DOCK10: variants seen among roughly 807,000 people sequenced by gnomAD.
DOCK10 encodes dedicator of cytokinesis protein 10.
In DOCK10, 145 loss-of-function variants were observed where a neutral mutation model predicts 280.1. That is an observed-to-expected ratio of 0.52 (90% CI 0.45 to 0.59). DOCK10 has a LOEUF of 0.59. DOCK10 is among the 20% of genes least tolerant of loss of function. The probability of loss-of-function intolerance (pLI) is 0.00; values close to 1 mark genes in which losing one functional copy is unlikely to be tolerated. For missense variants in DOCK10, 2,368 were observed against 2,651.7 expected, an observed-to-expected ratio of 0.89 and a Z score of 2.35; for synonymous variants, 915 against 942.2, an observed-to-expected ratio of 0.97 and a Z score of 0.53.
intron 1 of DOCK10, among the ~76,000 whole-genome samples, chr2:224,975,820 G>A (rs370737479): frequency 2.6e-5 from 4 of 152,256 alleles, no homozygotes; most frequent in African/African-American, 2.4e-5. Context: ...AAGAATTATT[G>A]TCTTCTACAA....
At chr2:225,016,497 G>A (rs1285711282) in intron 1 of DOCK10, among the ~76,000 whole-genome samples, 1 of 146,520 alleles carries the variant, frequency 6.8e-6, no homozygotes, top group Non-Finnish European at 1.5e-5. Flanking sequence ...TTATATATGT[G>A]TATACATATA....
At chr2:224,972,276 T>C (rs1014461863) in intron 1 of DOCK10, among the ~76,000 whole-genome samples, 1 of 152,224 alleles carries the variant, frequency 6.6e-6, no homozygotes, top group Non-Finnish European at 1.5e-5. Flanking sequence ...AATCTGTGGG[T>C]TACTCAGTTC....
chr2:224,980,746 G>C (rs935257319), intron 1 of DOCK10, among the ~76,000 whole-genome samples: 1 of 152,182 alleles, frequency 6.6e-6, no homozygotes, highest in African/African-American at 2.4e-5. Flanking sequence ...ATTGCTCTAA[G>C]TGTGATTCGG....
intron 1 of DOCK10, among the ~76,000 whole-genome samples, chr2:224,976,057 G>A (rs1307007723): frequency 2.0e-5 from 3 of 152,142 alleles, no homozygotes; most frequent in Non-Finnish European, 4.4e-5. Context: ...TAAGCCATGT[G>A]AGCCTGCCGA....
chr2:224,857,064 T>C (rs1697196945), intron 14 of DOCK10, 82 bp from the exon 15 acceptor site: 1 of 1,163,092 alleles, frequency 8.6e-7, no homozygotes, highest in Non-Finnish European at 1.1e-6. Flanking sequence ...TTAATTAAAC[T>C]TCTCATTTAT....
chr2:224,980,209 A>C (rs1393789571), intron 1 of DOCK10, among the ~76,000 whole-genome samples: 1 of 152,186 alleles, frequency 6.6e-6, no homozygotes, highest in Non-Finnish European at 1.5e-5. Context: ...TGCTTGCTAC[A>C]AGAGCAGGTT....
chr2:224,889,057 A>G (rs967848390), intron 4 of DOCK10, among the ~76,000 whole-genome samples: 2 of 152,202 alleles, frequency 1.3e-5, no homozygotes, highest in Admixed American at 1.3e-4. Context: ...AAAATTAAAT[A>G]TGCAGAGATA....
chr2:225,014,768 T>A (rs1028090614), intron 1 of DOCK10, among the ~76,000 whole-genome samples: 10 of 152,342 alleles, frequency 6.6e-5, no homozygotes, highest in Non-Finnish European at 1.2e-4. Flanking sequence ...GTGAATTCAG[T>A]ACCATTTTTA....
At chr2:224,977,706 T>C (rs1705517736) in intron 1 of DOCK10, among the ~76,000 whole-genome samples, 1 of 152,236 alleles carries the variant, frequency 6.6e-6, no homozygotes. Flanking sequence ...TAACAGGCCA[T>C]TGTAATGGTC....
At chr2:224,911,201 G>T (rs775858420) in intron 3 of DOCK10, among the ~76,000 whole-genome samples, 3 of 152,128 alleles carry the variant, frequency 2.0e-5, no homozygotes, top group African/African-American at 4.8e-5. Flanking sequence ...TCTACAAGCA[G>T]TTGAAAGGGA....
chr2:225,019,423 G>A (rs1225928645), intron 1 of DOCK10, among the ~76,000 whole-genome samples: 1 of 149,396 alleles, frequency 6.7e-6, no homozygotes, highest in Non-Finnish European at 1.5e-5. Flanking sequence ...CAACTTCAAA[G>A]CTCAAGAGAG....
At chr2:224,795,444 G>A (rs1479856767) in intron 44 of DOCK10, among the ~76,000 whole-genome samples, 1 of 152,150 alleles carries the variant, frequency 6.6e-6, no homozygotes, top group East Asian at 1.9e-4. Context: ...CACTGGCCTG[G>A]CCAATTCTAT....
At chr2:224,881,952 C>T (rs1355462936) in intron 7 of DOCK10, among the ~76,000 whole-genome samples, 1 of 152,168 alleles carries the variant, frequency 6.6e-6, no homozygotes, top group African/African-American at 2.4e-5. Flanking sequence ...GCTGCTTGAC[C>T]TACAGGAGGT....
chr2:225,011,911 G>T (rs1158374616), intron 1 of DOCK10, among the ~76,000 whole-genome samples: 12 of 152,150 alleles, frequency 7.9e-5, no homozygotes. Context: ...ATCAGGGCAA[G>T]CTCAATGCAC....
intron 1 of DOCK10, among the ~76,000 whole-genome samples, chr2:224,946,617 A>C (rs1046930244): frequency 3.9e-5 from 6 of 152,180 alleles, no homozygotes; most frequent in Admixed American, 3.9e-4. Context: ...TTAATGATTA[A>C]ATTCTCTATT....
chr2:224,966,733 T>C (rs970554526), intron 1 of DOCK10, among the ~76,000 whole-genome samples: 1 of 152,182 alleles, frequency 6.6e-6, no homozygotes. Flanking sequence ...AAGAGAGTAA[T>C]GGGCTACATA....
chr2:224,983,825 GA>G (rs908720198), intron 1 of DOCK10: 11 of 470,600 alleles, frequency 2.3e-5, no homozygotes, highest in African/African-American at 4.0e-5. Flanking sequence ...GGAAAAAGAA[GA>G]AAAAAAATGC....
chr2:224,900,051 C>G (rs1273682893), intron 3 of DOCK10, among the ~76,000 whole-genome samples: 1 of 152,160 alleles, frequency 6.6e-6, no homozygotes, highest in Non-Finnish European at 1.5e-5. Context: ...TATCTCCACA[C>G]TTTCTGATCT....
In DOCK10 at chr2:224,823,633, C is replaced by A; in HGVS notation, c.3051G>T (p.Gln1017His). Reference sequence around the variant, plus strand: ...CATTTTGGTAAGATTCAGGAAATCTCTGAGGCCGGGGAAGCTAAGGAAAGA... The same window carrying A: ...CATTTTGGTAAGATTCAGGAAATCTATGAGGCCGGGGAAGCTAAGGAAAGA... ...DTNKIQLPRPQRFPESYQNEL... is the reference protein window; with the variant it reads ...DTNKIQLPRPHRFPESYQNEL... The change falls in exon 28 of 56, where the codon CAG becomes CAT. Residue 1017 changes from glutamine (Q) to histidine (H), a missense_variant. Coordinates refer to ENST00000258390, the MANE Select transcript of DOCK10 (RefSeq NM_014689.3). The A allele has an allele frequency of 6.3e-7, 1 of 1,595,980 alleles. No homozygotes were observed. Among genetic ancestry groups the A allele is most frequent in the African/African-American group, 1.4e-5 (1 of 73,868 alleles).
Sources: gnomAD v4.1 joint callset for allele counts (sites outside exome capture counted in the v4.1 genomes callset) on GRCh38, gnomAD v4.1.1 for gene constraint, MANE v1.5 for transcripts, NCBI Gene and HGNC (gene_info 2026-07-23, HGNC 2026-07-21) for gene names.